NFIA: variants seen among roughly 807,000 people sequenced by gnomAD.
NFIA encodes the protein nuclear factor I A, also known as nuclear factor 1 A-type.
Under a neutral mutation model 62.8 loss-of-function variants are expected in NFIA, and 8 were observed. The ratio of observed to expected loss-of-function variants is 0.13; its 90% confidence interval spans 0.07 to 0.23. The LOEUF is 0.23. NFIA is among the 10% of genes least tolerant of loss of function. NFIA has a pLI of 1.00. For synonymous variants in NFIA, 235 were observed against 238.1 expected, an observed-to-expected ratio of 0.99 and a Z score of 0.12; for missense variants, 410 against 642.1, an observed-to-expected ratio of 0.64 and a Z score of 3.91.
intron 7 of NFIA, among the ~76,000 whole-genome samples, chr1:61,388,241 C>T (rs1185178427): frequency 2.6e-5 from 4 of 152,132 alleles, no homozygotes; most frequent in East Asian, 1.9e-4. Context: ...CATCGTTATA[C>T]GTTAGTATAA....
chr1:61,108,042 A>T (rs1646633768), intron 2 of NFIA, among the ~76,000 whole-genome samples: 2 of 151,682 alleles, frequency 1.3e-5, no homozygotes, highest in South Asian at 4.1e-4. Flanking sequence ...ACAATTTTTC[A>T]CTTACTAAGC....
chr1:61,158,518 A>G (rs907434931), intron 2 of NFIA, among the ~76,000 whole-genome samples: 2 of 152,244 alleles, frequency 1.3e-5, no homozygotes, highest in Non-Finnish European at 2.9e-5. Flanking sequence ...TTTTACAAGA[A>G]ATCATTTGAA....
chr1:61,093,038 A>C (rs1007908915), intron 2 of NFIA, among the ~76,000 whole-genome samples: 3 of 152,220 alleles, frequency 2.0e-5, no homozygotes, highest in Non-Finnish European at 2.9e-5. Context: ...TTTATAAATA[A>C]ATCGCATTAG....
chr1:61,358,379 C>CTTTCTTTTTTTTTTTTTTTTTTTT (rs71582639), intron 5 of NFIA, among the ~76,000 whole-genome samples: 1 of 52,616 alleles, frequency 1.9e-5, no homozygotes, highest in African/African-American at 8.5e-5. Flanking sequence ...TTCTTTCTTT[C>CTTTCTTTTTTTTTTTTTTTTTTTT]TTTTTTTTTT....
At position 61,404,226 on chromosome 1, in the gene NFIA, G is replaced by C; in HGVS notation, c.1198G>C (p.Val400Leu). The change falls in exon 8 of 11, where the codon GTC (valine) becomes CTC (leucine). Residue 400 changes from valine (V) to leucine (L), a missense_variant. Val to Leu is a conservative substitution (Grantham distance 32). Coordinates refer to ENST00000403491, the MANE Select transcript of NFIA (RefSeq NM_001134673.4). ...YHPQETLKEF[V>L]QLVCPDAGQQ... is the part of the protein sequence containing the mutation. ...CCCTCAGGAGACGCTGAAAGAATTT[G>C]TCCAACTTGTCTGCCCTGATGCTGG... 6.2e-7 allele frequency: 1 copy of C among 1,614,186 alleles called. No homozygotes were observed. The highest frequency in any genetic ancestry group is 8.5e-7 in the Non-Finnish European group (1 of 1,180,028).
chr1:61,216,687 CTGTG>C (rs1246031679), intron 2 of NFIA, among the ~76,000 whole-genome samples: 3 of 152,120 alleles, frequency 2.0e-5, no homozygotes, highest in African/African-American at 7.2e-5. Context: ...GTTTAACTGT[CTGTG>C]TATGTATGCT....
intron 2 of NFIA, among the ~76,000 whole-genome samples, chr1:61,139,415 A>G (rs406412): frequency 0.93 from 141,094 of 152,212 alleles, 65,618 homozygotes; most frequent in Middle Eastern, 0.97. Flanking sequence ...AGCCGAGCAA[A>G]TGGGCCTGTA....
chr1:61,158,479 T>A (rs1171846963), intron 2 of NFIA, among the ~76,000 whole-genome samples: 1 of 152,232 alleles, frequency 6.6e-6, no homozygotes, highest in Non-Finnish European at 1.5e-5. Context: ...TATTTATATT[T>A]ACTCATTCAG....
At chr1:61,399,273 A>C (rs1009988861) in intron 7 of NFIA, among the ~76,000 whole-genome samples, 2 of 152,212 alleles carry the variant, frequency 1.3e-5, no homozygotes, top group Admixed American at 1.3e-4. Flanking sequence ...AGGAGTGATT[A>C]TTCGCTCTTG....
intron 10 of NFIA, 93 bp downstream of exon 10, chr1:61,426,649 C>A: frequency 1.1e-6 from 1 of 918,278 alleles, no homozygotes; most frequent in Non-Finnish European, 1.7e-6. Flanking sequence ...GCCACATTTT[C>A]CAGACCCTGT....
At chr1:61,220,204 C>G (rs138565424) in intron 2 of NFIA, among the ~76,000 whole-genome samples, 11 of 152,246 alleles carry the variant, frequency 7.2e-5, no homozygotes, top group African/African-American at 2.6e-4. Flanking sequence ...TCTGTCACCT[C>G]CTGTTTGTTT....
intron 2 of NFIA, among the ~76,000 whole-genome samples, chr1:61,233,121 C>G (rs994473009): frequency 6.6e-6 from 1 of 152,128 alleles, no homozygotes; most frequent in Admixed American, 6.6e-5. Context: ...TCCCTCCTTG[C>G]CTTTCACAGA....
At chr1:61,244,277 C>T (rs1655516134) in intron 2 of NFIA, among the ~76,000 whole-genome samples, 2 of 152,160 alleles carry the variant, frequency 1.3e-5, no homozygotes, top group Admixed American at 1.3e-4. Flanking sequence ...CTGGGGTCTC[C>T]TCTGAGGACT....
At chr1:61,405,063 A>G (rs1665749501) in intron 8 of NFIA, among the ~76,000 whole-genome samples, 1 of 152,218 alleles carries the variant, frequency 6.6e-6, no homozygotes. Flanking sequence ...CTTTTCTACT[A>G]ATAACTGTGC....
intron 2 of NFIA, among the ~76,000 whole-genome samples, chr1:61,128,713 A>C (rs895133146): frequency 6.6e-6 from 1 of 152,160 alleles, no homozygotes; most frequent in Non-Finnish European, 1.5e-5. Flanking sequence ...TGGCTTGCAT[A>C]AAATGGACAT....
At chr1:61,420,519 A>G (rs562733430) in intron 9 of NFIA, among the ~76,000 whole-genome samples, 5 of 152,254 alleles carry the variant, frequency 3.3e-5, no homozygotes, top group African/African-American at 1.2e-4. Flanking sequence ...TCACTGATAA[A>G]CATTTAATAA....
chr1:61,406,751 C>T, intron 9 of NFIA, 24 bp downstream of exon 9: 1 of 1,579,164 alleles, frequency 6.3e-7, no homozygotes, highest in Admixed American at 1.8e-5. Flanking sequence ...CGACAAGGCG[C>T]CGGTCACTTC....
At chr1:61,277,486 C>G (rs1411363057) in intron 2 of NFIA, 34 bp from the exon 3 acceptor site, 2 of 1,610,778 alleles carry the variant, frequency 1.2e-6, no homozygotes, top group Non-Finnish European at 1.7e-6. Context: ...CTTGCAGACC[C>G]TGTAATTTTT....
In NFIA at chr1:61,358,607, A is replaced by G. The variant is rs189844902; in HGVS notation, c.819-540A>G. On this transcript the variant is annotated intron_variant, in intron 5 of 10. Coordinates refer to ENST00000403491, the MANE Select transcript of NFIA (RefSeq NM_001134673.4). ...TACCATGTTGGCCAGGATGGTCTCA[A>G]ACTCCTGACCTCAAGTGTGATCAGC... 2.0e-5 allele frequency among the ~76,000 whole-genome samples: 3 copies of G among 152,160 alleles called. No individual in the cohort carries two copies. In the East Asian group the frequency reaches 5.8e-4, roughly 29 times the overall value.
Sources: gnomAD v4.1 joint callset for allele counts (sites outside exome capture counted in the v4.1 genomes callset) on GRCh38, gnomAD v4.1.1 for gene constraint, MANE v1.5 for transcripts, NCBI Gene and HGNC (gene_info 2026-07-23, HGNC 2026-07-21) for gene names.